The following PHF10 variants were observed in gnomAD, a reference collection of about 807,000 sequenced individuals.
The protein encoded by PHF10 is BRG1-associated factor 45a.
Under a neutral mutation model 68.5 loss-of-function variants are expected in PHF10, and 51 were observed. That is an observed-to-expected ratio of 0.74 (90% CI 0.59 to 0.94). The LOEUF is 0.94. Ranked by LOEUF, PHF10 falls within the 40% of genes least tolerant of loss-of-function variation. PHF10 has a pLI of 0.00. For synonymous variants in PHF10, 204 were observed against 203.5 expected (o/e 1.00, Z -0.02); for missense variants, 460 against 602.6 (o/e 0.76, Z 2.48).
chr6:169,724,277 T>G lies in PHF10; in HGVS notation c.-346A>C, dbSNP rs1244055163. Among the ~76,000 whole-genome samples, 4 of 140,564 alleles carry G rather than the reference T, an allele frequency of 2.8e-5. No homozygotes were observed. Among genetic ancestry groups the G allele is most frequent in the African/African-American group, 1.0e-4 (4 of 38,442 alleles). The allele number at this position is 140,564 out of a possible 152,430, so 92.2% of individuals were successfully genotyped here. The stretch of plus-strand genomic sequence containing the variant: ...GCCGCGGCCACCGCCTCAGCACCGT[T>G]GCCCCCCACAGCTCCGCCGCTGGCC... On this transcript the variant is annotated 5_prime_UTR_variant, in exon 1 of 12. Transcript: ENST00000339209.
At chr6:169,705,558 A>G in intron 10 of PHF10, 58 bp downstream of exon 10, 1 of 947,272 alleles carries the variant, frequency 1.1e-6, no homozygotes, top group Non-Finnish European at 1.7e-6. Context: ...TATAAATTCT[A>G]GTTTTTGAAC....
intron 8 of PHF10, among the ~76,000 whole-genome samples, chr6:169,711,589 CT>C (rs1788927426): frequency 6.6e-6 from 1 of 152,158 alleles, no homozygotes; most frequent in African/African-American, 2.4e-5. Flanking sequence ...CTTCATCACC[CT>C]TTGCATGCCA....
chr6:169,709,735 A>G (rs1241327460), intron 9 of PHF10: 2 of 152,318 alleles, frequency 1.3e-5, no homozygotes, highest in East Asian at 3.9e-4. Flanking sequence ...TCCCAGAGTT[A>G]GCTAAATTTA....
chr6:169,723,010 G>A (rs1014809751), intron 1 of PHF10, among the ~76,000 whole-genome samples: 4 of 152,188 alleles, frequency 2.6e-5, no homozygotes, highest in Admixed American at 6.5e-5. Context: ...CACGGTGGAC[G>A]TGCGCAACGG....
chr6:169,717,714 T>C, intron 4 of PHF10, 109 bp downstream of exon 4: 1 of 604,352 alleles, frequency 1.7e-6, no homozygotes, highest in Non-Finnish European at 3.0e-6. Flanking sequence ...TTTAAATAGT[T>C]CAATTTATTT....
intron 10 of PHF10, 134 bp from the exon 11 acceptor site, chr6:169,705,455 A>G: frequency 6.9e-6 from 5 of 723,968 alleles, no homozygotes; most frequent in Admixed American, 2.6e-5. Flanking sequence ...ATGAATATAC[A>G]ATGTAGAGGA....
chr6:169,719,708 G>C (rs1789132967), intron 2 of PHF10, among the ~76,000 whole-genome samples: 1 of 151,982 alleles, frequency 6.6e-6, no homozygotes, highest in South Asian at 2.1e-4. Flanking sequence ...CTAAATATAA[G>C]AGCTAACTAG....
At chr6:169,706,351 C>G (rs1442034363) in intron 9 of PHF10, among the ~76,000 whole-genome samples, 1 of 151,912 alleles carries the variant, frequency 6.6e-6, no homozygotes, top group Non-Finnish European at 1.5e-5. Context: ...AGAATCTATA[C>G]TTAGAAAGAT....
intron 7 of PHF10, 45 bp from the exon 8 acceptor site, chr6:169,712,584 T>A: frequency 7.8e-6 from 12 of 1,532,358 alleles, no homozygotes; most frequent in Non-Finnish European, 1.1e-5. Context: ...TATTATTAAA[T>A]ATAAACAGAC....
intron 1 of PHF10, among the ~76,000 whole-genome samples, chr6:169,722,874 A>C (rs1263268784): frequency 6.6e-6 from 1 of 152,256 alleles, no homozygotes; most frequent in African/African-American, 2.4e-5. Flanking sequence ...GCACTGGCTC[A>C]GTGCCCTCCA....
intron 8 of PHF10, 124 bp from the exon 9 acceptor site, chr6:169,710,515 A>T: frequency 1.4e-6 from 1 of 731,274 alleles, no homozygotes; most frequent in Non-Finnish European, 2.3e-6. Flanking sequence ...AAATAAAAAG[A>T]TCATTCTAAA....
rs761313703 is a variant in PHF10, at chr6:169,705,298, T to A, written c.1246A>T (p.Thr416Ser). 9.3e-6 allele frequency: 15 copies of A among 1,610,866 alleles called. No individual in the cohort carries two copies. Among genetic ancestry groups the A allele is most frequent in the Non-Finnish European group, 1.1e-5 (13 of 1,178,596 alleles). Residue 416 changes from threonine (T) to serine (S), a missense_variant, in exon 11 of 12, where the codon ACA becomes TCA. By Grantham distance (58) the Thr-to-Ser change is moderately conservative (BLOSUM62 1). This residue lies in a region of PHF10 where 111 missense variants were observed against 109.7 expected (regional missense o/e 1.01). Coordinates refer to ENST00000339209, the MANE Select transcript of PHF10 (RefSeq NM_018288.4). Reference sequence around the variant, plus strand: ...TTAATCATAGAAACAAGCTCCATTGTCATATCCAGGCAAGAAGGATGGCCT... The same window carrying A: ...TTAATCATAGAAACAAGCTCCATTGACATATCCAGGCAAGAAGGATGGCCT... ...NSGHPSCLDM[T>S]MELVSMIKTY...
intron 1 of PHF10, among the ~76,000 whole-genome samples, chr6:169,722,261 G>A (rs1365016036): frequency 6.6e-6 from 1 of 152,098 alleles, no homozygotes; most frequent in East Asian, 1.9e-4. Flanking sequence ...TTCTTTTTCA[G>A]TCCTTATAAA....
rs1233661913 is a variant in PHF10, at chr6:169,724,050, G to A, written c.-119C>T. 1.5e-5 allele frequency: 2 copies of A among 132,600 alleles called. No individual in the cohort carries two copies. The highest frequency in any genetic ancestry group is 3.2e-5 in the Non-Finnish European group (2 of 63,096). The allele number at this position is 132,600 out of a possible 1,614,324, so 8.2% of individuals were successfully genotyped here. A position where few individuals can be genotyped will look rare whatever the true frequency, so the allele number is the denominator to read the frequency against. On this transcript the variant is annotated 5_prime_UTR_variant, in exon 1 of 12. Transcript: ENST00000339209. ...GCGGGCCCCCCGCCGCCCCGGCCCC[G>A]CCCCCTCCGCCCGCCCGCCCGGGGG... is the stretch of plus-strand genomic sequence containing the variant.
At position 169,716,108 on chromosome 6, in the gene PHF10, A is replaced by C; in HGVS notation, c.410-20T>G. 1 of 1,509,808 alleles carries C rather than the reference A, an allele frequency of 6.6e-7. No homozygotes were observed. The highest frequency in any genetic ancestry group is 8.9e-7 in the Non-Finnish European group (1 of 1,122,754). The allele number at this position is 1,509,808 out of a possible 1,614,324, so 93.5% of individuals were successfully genotyped here. The stretch of plus-strand genomic sequence containing the variant: ...TTAAGCCTATTTTAGACCAAAAAAT[A>C]AAAAAATAAAGAAGCTCTTTTAAGG... On this transcript the variant is annotated intron_variant, in intron 4 of 11. Transcript: ENST00000339209.
chr6:169,710,557 GTAAGT>G (rs1328237782), intron 8 of PHF10, among the ~76,000 whole-genome samples, 166 bp from the exon 9 acceptor site: 1 of 152,110 alleles, frequency 6.6e-6, no homozygotes, highest in African/African-American at 2.4e-5. Flanking sequence ...GGAGACTAAA[GTAAGT>G]TATGTTAAAA....
At chr6:169,706,723 T>TACACACAC (rs1202611210) in intron 9 of PHF10, among the ~76,000 whole-genome samples, 11 of 72,450 alleles carry the variant, frequency 1.5e-4, no homozygotes, top group Non-Finnish European at 2.0e-4. Flanking sequence ...CATACATACA[T>TACACACAC]ACATACACAC....
chr6:169,713,013 AATAAT>A lies in PHF10; in HGVS notation c.804-479_804-475del, dbSNP rs1788961381. Among the ~76,000 whole-genome samples the A allele has an allele frequency of 3.3e-5, 5 of 152,302 alleles. 1 individual carries two copies. The South Asian group carries it at 1.0e-3, about 32-fold the overall frequency. ...GTGCATGGTACATGATATTACTTAAAATAATAACATAGAAAGCAAAATTTTTAGTA... is the reference window on the plus strand; with the variant it reads ...GTGCATGGTACATGATATTACTTAAAAACATAGAAAGCAAAATTTTTAGTA... On this transcript the variant is annotated intron_variant, in intron 7 of 11. Transcript: ENST00000339209.
chr6:169,721,620 A>G (rs1164474594), intron 1 of PHF10, among the ~76,000 whole-genome samples: 1 of 152,210 alleles, frequency 6.6e-6, no homozygotes, highest in East Asian at 1.9e-4. Flanking sequence ...AGGGTCATCA[A>G]TCTATAATAT....
Sources: gnomAD v4.1 joint callset for allele counts (sites outside exome capture counted in the v4.1 genomes callset) on GRCh38, gnomAD v4.1.1 for gene constraint, gnomAD v4.1.1 regional missense constraint, MANE v1.5 for transcripts, NCBI Gene and HGNC (gene_info 2026-07-23, HGNC 2026-07-21) for gene names.